Variants in NCF2 observed in about 807,000 individuals in gnomAD.
The protein encoded by NCF2 is neutrophil cytosolic factor 2.
In NCF2, 45 loss-of-function variants were observed where a neutral mutation model predicts 70.9. That is an observed-to-expected ratio of 0.63 (90% confidence interval 0.50 to 0.81). The LOEUF (loss-of-function observed/expected upper bound fraction) is 0.81, where lower values mean the gene tolerates loss of function less well. Among genes scored for constraint, NCF2 ranks in the 40% least tolerant of loss-of-function variants. NCF2 has a pLI of 0.00. For synonymous variants in NCF2, 203 were observed against 233.6 expected (o/e 0.87, Z 1.19); for missense variants, 522 against 631.6 (o/e 0.83, Z 1.86).
chr1:183,588,260 T>C (rs1257496203), intron 1 of NCF2, among the ~76,000 whole-genome samples: 2 of 152,164 alleles, frequency 1.3e-5, no homozygotes, highest in Admixed American at 6.5e-5. Context: ...AATTACTATT[T>C]ATTGCTCTGT....
chr1:183,586,229 G>C (rs1673342401), intron 2 of NCF2, among the ~76,000 whole-genome samples: 1 of 152,232 alleles, frequency 6.6e-6, no homozygotes, highest in African/African-American at 2.4e-5. Context: ...AGCTACTCGG[G>C]AGGGTAAGCC....
chr1:183,580,491 C>T (rs1673009733), intron 2 of NCF2, among the ~76,000 whole-genome samples: 1 of 152,114 alleles, frequency 6.6e-6, no homozygotes, highest in African/African-American at 2.4e-5. Context: ...GTTCTATTGC[C>T]TGTTTGGGAG....
At chr1:183,587,049 C>A in intron 1 of NCF2, 72 bp from the exon 2 acceptor site, 4 of 1,407,884 alleles carry the variant, frequency 2.8e-6, no homozygotes, top group Non-Finnish European at 4.0e-6. Context: ...CCACGGCTCA[C>A]AGAGCCCTAG....
chr1:183,586,836 T>C, intron 2 of NCF2, 59 bp downstream of exon 2: 6 of 1,512,062 alleles, frequency 4.0e-6, no homozygotes, highest in Non-Finnish European at 5.5e-6. Context: ...CCCGCAACAC[T>C]GAGACCCCTT....
chr1:183,572,850 T>C (rs1428961613), intron 5 of NCF2, among the ~76,000 whole-genome samples: 1 of 152,104 alleles, frequency 6.6e-6, no homozygotes, highest in African/African-American at 2.4e-5. Flanking sequence ...AGGCATGAGC[T>C]ACCCTGCCTG....
intron 2 of NCF2, among the ~76,000 whole-genome samples, chr1:183,584,123 G>C (rs1673232779): frequency 6.6e-6 from 1 of 152,176 alleles, no homozygotes; most frequent in Non-Finnish European, 1.5e-5. Context: ...GTGAGAAATG[G>C]AGGCCAGCCA....
rs750881920 is a variant in NCF2, at chr1:183,585,624, C to CAAAAAAAAA, written c.257+1262_257+1270dup. Among the ~76,000 whole-genome samples the CAAAAAAAAA allele has an allele frequency of 7.9e-4, 90 of 114,572 alleles. 2 individuals are homozygous for CAAAAAAAAA. The highest frequency in any genetic ancestry group is 2.0e-3 in the Admixed American group (24 of 11,864). The allele number at this position is 114,572 out of a possible 152,430, so 75.2% of individuals were successfully genotyped here. A position where few individuals can be genotyped will look rare whatever the true frequency, so the allele number is the denominator to read the frequency against. On this transcript the variant is annotated intron_variant, in intron 2 of 14. Transcript: ENST00000367535. ...TGGGTGACAGGGCGAAACTCCGTCT[C>CAAAAAAAAA]AAAAAAAAAAAAAATTCTTCATTAG... is the stretch of plus-strand genomic sequence containing the variant.
intron 4 of NCF2, 143 bp from the exon 5 acceptor site, chr1:183,573,435 A>G (rs1392191748): frequency 1.7e-5 from 14 of 818,078 alleles, no homozygotes; most frequent in African/African-American, 3.4e-5. Context: ...TCATTCCTCT[A>G]GGGTGTTAAG....
intron 3 of NCF2, 100 bp from the exon 4 acceptor site, chr1:183,574,721 C>T: frequency 2.2e-6 from 3 of 1,381,402 alleles, no homozygotes; most frequent in Non-Finnish European, 3.1e-6. Flanking sequence ...GCCTGGTAGC[C>T]TTTCTCCCTT....
Position 183,566,177 on chromosome 1 carries a change from G to A in NCF2, c.925-398C>T, listed in dbSNP as rs143879468. ...GAAGCTTTTCAAAGCATTTGGATAT[G>A]GTGACTGACCAGGGAGGGCTGAGCT... On this transcript the variant is annotated intron_variant, in intron 9 of 14. Transcript: ENST00000367535. Among the ~76,000 whole-genome samples the A allele has an allele frequency of 3.2e-3, 481 of 152,330 alleles. 2 individuals carry two copies. The highest frequency in any genetic ancestry group is 8.0e-3 in the African/African-American group (331 of 41,570).
In NCF2 at chr1:183,577,721, G is replaced by A; in HGVS notation, c.258-14C>T. On this transcript the variant is annotated splice_polypyrimidine_tract_variant and intron_variant, in intron 2 of 14. Coordinates refer to ENST00000367535, the MANE Select transcript of NCF2 (RefSeq NM_000433.4). ...GCCAAATCATATCTGCAGGACAGAG[G>A]GAGAAAATACAGCAGTCTAGTGGAT... is the stretch of plus-strand genomic sequence containing the variant. The A allele has an allele frequency of 6.4e-7, 1 of 1,568,210 alleles. No individual in the cohort carries two copies. Among genetic ancestry groups the A allele is most frequent in the Non-Finnish European group, 8.8e-7 (1 of 1,138,374 alleles).
chr1:183,582,893 T>C (rs1228868544), intron 2 of NCF2, among the ~76,000 whole-genome samples: 1 of 152,166 alleles, frequency 6.6e-6, no homozygotes, highest in African/African-American at 2.4e-5. Flanking sequence ...GCTTGCCTTT[T>C]CAGAAATGTG....
chr1:183,573,082 C>T, intron 5 of NCF2, 103 bp downstream of exon 5: 1 of 1,043,364 alleles, frequency 9.6e-7, no homozygotes, highest in Admixed American at 1.7e-5. Flanking sequence ...ATCCCAGGGA[C>T]AGAGCCACAA....
chr1:183,581,239 A>C (rs1476645846), intron 2 of NCF2, among the ~76,000 whole-genome samples: 1 of 137,006 alleles, frequency 7.3e-6, no homozygotes, highest in Non-Finnish European at 1.5e-5. Context: ...ACATGATTGC[A>C]CCACTCCACT....
rs34496837 is a variant in NCF2 at position 183,587,126 on chromosome 1, C to T, written c.175-149G>A. 3.9e-3 allele frequency: 3,027 copies of T among 775,078 alleles called. 66 individuals carry two copies. In the African/African-American group the frequency reaches 0.045, roughly 12 times the overall value. 48.0% of individuals were successfully genotyped at this position (775,078 alleles called of 1,614,324 possible). A position where few individuals can be genotyped will look rare whatever the true frequency, so the allele number is the denominator to read the frequency against. Reference sequence around the variant, plus strand: ...CCTCGAGGCCCACCCTGTGCTCTCACGGTGCACCCCACTTCGCTCTCACAT... The same window carrying T: ...CCTCGAGGCCCACCCTGTGCTCTCATGGTGCACCCCACTTCGCTCTCACAT... On this transcript the variant is annotated intron_variant, in intron 1 of 14. Coordinates refer to ENST00000367535, the MANE Select transcript of NCF2 (RefSeq NM_000433.4).
At chr1:183,593,159 G>A (rs1330812649), upstream of NCF2, among the ~76,000 whole-genome samples, 3 of 91,760 alleles carry the variant, frequency 3.3e-5, no homozygotes, top group Non-Finnish European at 7.1e-5. Context: ...GTGTGCCTCA[G>A]GAGGAAGTCC....
intron 5 of NCF2, among the ~76,000 whole-genome samples, chr1:183,571,114 C>CTTTTTTTT (rs66625837): frequency 2.8e-5 from 3 of 106,792 alleles, no homozygotes; most frequent in African/African-American, 3.5e-5. Context: ...ATCAAATTAT[C>CTTTTTTTT]TTTTTTTTTT....
At chr1:183,595,052 G>A (rs1488056332), upstream of NCF2, among the ~76,000 whole-genome samples, 1 of 152,212 alleles carries the variant, frequency 6.6e-6, no homozygotes, top group Admixed American at 6.5e-5. Flanking sequence ...TGAAAAATGA[G>A]AAAACTGAAT....
At position 183,555,720 on chromosome 1, in the gene NCF2, C is replaced by A. The variant is rs796860; in HGVS notation, c.*398G>T. On this transcript the variant is annotated 3_prime_UTR_variant, in exon 15 of 15. Coordinates refer to ENST00000367535, the MANE Select transcript of NCF2 (RefSeq NM_000433.4). The stretch of plus-strand genomic sequence containing the variant: ...TTGGGTGTCTTGTTTTTGTAAGATG[C>A]TAGGTTTTTTTTTATTGTGGTATGA... 185,451 of 206,112 alleles carry A rather than the reference C, an allele frequency of 0.9. 83,646 individuals are homozygous for A. The highest frequency in any genetic ancestry group is 1 in the East Asian group (8,497 of 8,534). The allele number at this position is 206,112 out of a possible 1,614,324, so 12.8% of individuals were successfully genotyped here.
Sources: gnomAD v4.1 joint callset for allele counts (sites outside exome capture counted in the v4.1 genomes callset) on GRCh38, gnomAD v4.1.1 for gene constraint, MANE v1.5 for transcripts, NCBI Gene and HGNC (gene_info 2026-07-23, HGNC 2026-07-21) for gene names.